The following GLRA1 variants were observed in gnomAD, a reference collection of about 807,000 sequenced individuals.
The protein encoded by GLRA1 is glycine receptor alpha 1, also known as glycine receptor subunit alpha-1.
A neutral mutation model predicts 48.3 loss-of-function variants in GLRA1; 37 were observed. The observed-to-expected ratio is 0.77, with a 90% CI of 0.59 to 1.01. The LOEUF (loss-of-function observed/expected upper bound fraction) is 1.01. Among genes scored for constraint, GLRA1 ranks in the 50% least tolerant of loss-of-function variants. GLRA1 has a pLI of 0.00. For synonymous variants in GLRA1, 196 were observed against 210.7 expected (o/e 0.93, Z 0.60); for missense variants, 427 against 571.0 (o/e 0.75, Z 2.57).
intron 3 of GLRA1, among the ~76,000 whole-genome samples, chr5:151,861,353 A>G (rs1337595584): frequency 6.6e-6 from 1 of 152,204 alleles, no homozygotes; most frequent in African/African-American, 2.4e-5. Context: ...ACAGTGTAAA[A>G]GTGTTCCTAT....
chr5:151,851,664 G>A (rs899626179), intron 6 of GLRA1, 60 bp from the exon 7 acceptor site: 29 of 1,136,204 alleles, frequency 2.6e-5, no homozygotes, highest in Non-Finnish European at 3.6e-5. Flanking sequence ...AAGGCTTTAG[G>A]ATTAGAACAA....
rs60113920 is a variant in GLRA1, at chr5:151,873,665, C to CAA, written c.252+13054_252+13055dup. On this transcript the variant is annotated intron_variant, in intron 3 of 8. Coordinates refer to ENST00000274576, the MANE Select transcript of GLRA1 (RefSeq NM_000171.4). ...TGGGTGACAGAGTGACACTTTGTCT[C>CAA]AAAAAAAAAAAAAAAAAGGTTTACC... Among the ~76,000 whole-genome samples, 626 of 107,920 alleles carry CAA rather than the reference C, an allele frequency of 5.8e-3. 4 individuals are homozygous for CAA. Among genetic ancestry groups the CAA allele is most frequent in the African/African-American group, 0.02 (589 of 28,840 alleles). The allele number at this position is 107,920 out of a possible 152,430, so 70.8% of individuals were successfully genotyped here.
At chr5:151,850,292 C>T (rs1181494696) in intron 7 of GLRA1, 38 of 1,603,380 alleles carry the variant, frequency 2.4e-5, no homozygotes, top group Non-Finnish European at 2.8e-5. Flanking sequence ...AATTTCAAAC[C>T]GGACCCTGTG....
At chr5:151,884,452 A>ACAAAAC (rs1554085717) in intron 3 of GLRA1, among the ~76,000 whole-genome samples, 1 of 150,918 alleles carries the variant, frequency 6.6e-6, no homozygotes, top group African/African-American at 2.4e-5. Context: ...ACAAAACAAA[A>ACAAAAC]AAACCCATTT....
chr5:151,840,262 T>C (rs1190027826), intron 7 of GLRA1, among the ~76,000 whole-genome samples: 1 of 152,096 alleles, frequency 6.6e-6, no homozygotes, highest in African/African-American at 2.4e-5. Context: ...TCCAGCTAAT[T>C]TTTTAAAAGT....
intron 1 of GLRA1, among the ~76,000 whole-genome samples, chr5:151,901,963 A>G (rs560813764): frequency 2.0e-5 from 3 of 152,260 alleles, no homozygotes; most frequent in African/African-American, 4.8e-5. Context: ...ATTAATCACT[A>G]TAATTTATTG....
In GLRA1 at chr5:151,886,744, C is replaced by A. The variant is rs761410250; in HGVS notation, c.229G>T (p.Gly77Cys). ...VSCNIFINSF[G>C]SIAETTMDYR... The stretch of plus-strand genomic sequence containing the variant: ...ACCATGGTTGTCTCAGCAATGGAAC[C>A]AAAGCTGTTGATGAAAATGTTGCAG... Residue 77 changes from glycine (G) to cysteine (C), a missense_variant, in exon 3 of 9, where the codon GGT becomes TGT. Physicochemically the swap from Gly to Cys is radical, Grantham distance 159 (BLOSUM62 -3). Coordinates refer to ENST00000274576, the MANE Select transcript of GLRA1 (RefSeq NM_000171.4). The A allele has an allele frequency of 6.2e-7, 1 of 1,613,130 alleles. No individual in the cohort carries two copies. Among genetic ancestry groups the A allele is most frequent in the Non-Finnish European group, 8.5e-7 (1 of 1,179,112 alleles).
intron 7 of GLRA1, among the ~76,000 whole-genome samples, chr5:151,849,446 C>A (rs992163736): frequency 0.011 from 254 of 23,556 alleles, 3 homozygotes; most frequent in Non-Finnish European, 0.015. Context: ...CTTTCCTTTC[C>A]TTTCCTTTCC....
intron 3 of GLRA1, among the ~76,000 whole-genome samples, chr5:151,868,381 G>A (rs1561563853): frequency 6.6e-6 from 1 of 152,174 alleles, no homozygotes; most frequent in Non-Finnish European, 1.5e-5. Flanking sequence ...ACTGTGTTAA[G>A]ACCTTTATGT....
intron 7 of GLRA1, chr5:151,850,488 G>C: frequency 4.9e-6 from 5 of 1,018,952 alleles, no homozygotes; most frequent in Non-Finnish European, 7.8e-6. Flanking sequence ...GTACACTGAG[G>C]AGGCCATCGA....
Position 151,822,818 on chromosome 5 carries a change from T to C in GLRA1, c.1205A>G (p.Glu402Gly). 2 of 1,614,138 alleles carry C rather than the reference T, an allele frequency of 1.2e-6. No individual in the cohort carries two copies. Among genetic ancestry groups the C allele is most frequent in the Non-Finnish European group, 1.7e-6 (2 of 1,180,008 alleles). Residue 402 changes from glutamate (E) to glycine (G), a missense_variant, in exon 9 of 9, where the codon GAG becomes GGG. Transcript: ENST00000274576. ...CTGGATGAAGAGTTTTCGCATCTCC[T>C]CTGGGGACTTAGATGGTGCAGGAGG... is the stretch of plus-strand genomic sequence containing the variant. ...NPPPAPSKSP[E>G]EMRKLFIQRA...
At chr5:151,867,976 A>G (rs1374915373) in intron 3 of GLRA1, among the ~76,000 whole-genome samples, 14 of 152,242 alleles carry the variant, frequency 9.2e-5, no homozygotes, top group Admixed American at 9.2e-4. Flanking sequence ...AAGCAGGAGA[A>G]AACAGGTACA....
intron 1 of GLRA1, among the ~76,000 whole-genome samples, chr5:151,897,091 T>C (rs957042362): frequency 1.3e-5 from 2 of 152,296 alleles, no homozygotes. Context: ...CCTCCCTCAC[T>C]GTGCTCTAGG....
chr5:151,860,235 G>C (rs1173105090), intron 3 of GLRA1, among the ~76,000 whole-genome samples: 1 of 151,980 alleles, frequency 6.6e-6, no homozygotes, highest in Non-Finnish European at 1.5e-5. Flanking sequence ...ATTCAACCCT[G>C]AACTGAGATT....
intron 7 of GLRA1, chr5:151,850,522 C>A: frequency 9.8e-7 from 1 of 1,023,032 alleles, no homozygotes; most frequent in Non-Finnish European, 1.6e-6. Flanking sequence ...GGCACCAGTA[C>A]CACATCCACG....
intron 3 of GLRA1, among the ~76,000 whole-genome samples, chr5:151,866,303 C>A (rs1373203827): frequency 2.0e-5 from 3 of 152,328 alleles, no homozygotes; most frequent in Non-Finnish European, 2.9e-5. Flanking sequence ...TTCATTCATT[C>A]ATTCCACAGA....
intron 7 of GLRA1, among the ~76,000 whole-genome samples, chr5:151,841,419 C>T (rs1279242628): frequency 6.6e-6 from 1 of 151,862 alleles, no homozygotes; most frequent in Non-Finnish European, 1.5e-5. Flanking sequence ...AATAACTTTG[C>T]ACTTTAAGAA....
chr5:151,870,645 G>A (rs1195262831), intron 3 of GLRA1, among the ~76,000 whole-genome samples: 1 of 149,694 alleles, frequency 6.7e-6, no homozygotes, highest in African/African-American at 2.6e-5. Flanking sequence ...GGCCGTTCAA[G>A]TAGGAGGAAT....
intron 7 of GLRA1, among the ~76,000 whole-genome samples, chr5:151,847,648 G>T (rs1167905873): frequency 6.6e-6 from 1 of 152,024 alleles, no homozygotes; most frequent in Non-Finnish European, 1.5e-5. Context: ...GAACCCGGGA[G>T]GTGGAGGGTG....
Sources: allele counts gnomAD v4.1 joint callset (sites outside exome capture counted in the v4.1 genomes callset), GRCh38; gene constraint gnomAD v4.1.1; transcripts MANE v1.5; gene names NCBI Gene and HGNC (gene_info 2026-07-23, HGNC 2026-07-21).